Variants in CSMD1 observed in about 807,000 individuals in gnomAD.
The protein encoded by CSMD1 is CUB and Sushi multiple domains 1, also known as CUB and sushi domain-containing protein 1.
Under a neutral mutation model 417.5 loss-of-function variants are expected in CSMD1, and 213 were observed. The ratio of observed to expected loss-of-function variants is 0.51; its 90% CI spans 0.46 to 0.57. CSMD1 has a LOEUF of 0.57. Ranked by LOEUF, CSMD1 falls within the 20% of genes least tolerant of loss-of-function variation. CSMD1 has a pLI of 0.00. For synonymous variants in CSMD1, 2,862 were observed against 1,736.8 expected, an observed-to-expected ratio of 1.65 and a Z score of -16.11; for missense variants, 6,923 against 4,529.7, an observed-to-expected ratio of 1.53 and a Z score of -15.17.
At chr8:3,157,819 C>T in intron 39 of CSMD1, 78 bp downstream of exon 39, 1 of 1,193,034 alleles carries the variant, frequency 8.4e-7, no homozygotes. Context: ...GAAGTGCATT[C>T]TTTGACCCCA....
At chr8:3,402,718 CT>C (rs1812111804) in intron 15 of CSMD1, among the ~76,000 whole-genome samples, 1 of 151,816 alleles carries the variant, frequency 6.6e-6, no homozygotes, top group Non-Finnish European at 1.5e-5. Context: ...TTTCCTAGTT[CT>C]TTTTATCAGA....
At chr8:4,002,079 T>C (rs1269874420) in intron 4 of CSMD1, among the ~76,000 whole-genome samples, 3 of 152,112 alleles carry the variant, frequency 2.0e-5, no homozygotes, top group Admixed American at 1.3e-4. Context: ...GATAGTCTGA[T>C]TGATTAATTG....
intron 5 of CSMD1, among the ~76,000 whole-genome samples, chr8:3,944,657 T>C (rs1811104450): frequency 6.6e-6 from 1 of 152,184 alleles, no homozygotes; most frequent in African/African-American, 2.4e-5. Flanking sequence ...GGATTCATTT[T>C]TGGGGAATGG....
intron 5 of CSMD1, among the ~76,000 whole-genome samples, chr8:3,918,631 C>T (rs994442137): frequency 6.6e-5 from 10 of 151,960 alleles, no homozygotes; most frequent in African/African-American, 1.9e-4. Flanking sequence ...AGCATAAATT[C>T]CCATCAAAAA....
At chr8:4,888,466 G>C (rs985035169) in intron 1 of CSMD1, among the ~76,000 whole-genome samples, 7 of 151,592 alleles carry the variant, frequency 4.6e-5, no homozygotes, top group Non-Finnish European at 1.0e-4. Flanking sequence ...TGCACGTATA[G>C]GTGTGTGAGC....
At chr8:4,252,059 A>G (rs962506277) in intron 3 of CSMD1, among the ~76,000 whole-genome samples, 2 of 152,188 alleles carry the variant, frequency 1.3e-5, no homozygotes, top group African/African-American at 4.8e-5. Flanking sequence ...ACAGAAGATC[A>G]TTCCCAGAAA....
At chr8:4,472,461 G>C (rs1248433352) in intron 2 of CSMD1, among the ~76,000 whole-genome samples, 1 of 151,956 alleles carries the variant, frequency 6.6e-6, no homozygotes, top group Non-Finnish European at 1.5e-5. Context: ...GGTAATAACA[G>C]ATGAATAAAA....
At chr8:3,676,811 C>T (rs912011247) in intron 7 of CSMD1, among the ~76,000 whole-genome samples, 14 of 152,138 alleles carry the variant, frequency 9.2e-5, no homozygotes, top group African/African-American at 1.7e-4. Flanking sequence ...AAATGTGGCA[C>T]ATACACACCA....
At chr8:4,464,756 C>A (rs376886355) in intron 2 of CSMD1, among the ~76,000 whole-genome samples, 2 of 152,178 alleles carry the variant, frequency 1.3e-5, no homozygotes, top group Admixed American at 6.5e-5. Flanking sequence ...TGCTTTAAGG[C>A]GAGTCCTGCT....
At chr8:3,019,295 T>C (rs1809148628) in intron 51 of CSMD1, among the ~76,000 whole-genome samples, 1 of 152,176 alleles carries the variant, frequency 6.6e-6, no homozygotes, top group Non-Finnish European at 1.5e-5. Flanking sequence ...ATACAAAGTA[T>C]AAATGCAGAA....
intron 3 of CSMD1, among the ~76,000 whole-genome samples, chr8:4,389,295 C>G (rs924990134): frequency 3.9e-5 from 6 of 152,012 alleles, no homozygotes; most frequent in African/African-American, 1.5e-4. Flanking sequence ...TTAGAAAATG[C>G]GATCATATAA....
At chr8:4,370,138 G>C (rs763774362) in intron 3 of CSMD1, among the ~76,000 whole-genome samples, 4 of 151,814 alleles carry the variant, frequency 2.6e-5, no homozygotes, top group Admixed American at 1.3e-4. Context: ...GGCAGGTCGA[G>C]TTTCAACAAA....
At chr8:4,764,768 G>C (rs1327391529) in intron 1 of CSMD1, among the ~76,000 whole-genome samples, 2 of 150,438 alleles carry the variant, frequency 1.3e-5, no homozygotes, top group East Asian at 2.0e-4. Flanking sequence ...AGCTACTCTG[G>C]AGGCTGCGGC....
At chr8:3,375,988 G>A (rs937599535) in intron 18 of CSMD1, among the ~76,000 whole-genome samples, 3 of 152,036 alleles carry the variant, frequency 2.0e-5, no homozygotes, top group Non-Finnish European at 4.4e-5. Flanking sequence ...TCCCAAATTG[G>A]AACTTTTTTT....
intron 1 of CSMD1, among the ~76,000 whole-genome samples, chr8:4,840,994 T>C (rs987151178): frequency 6.6e-6 from 1 of 152,210 alleles, no homozygotes; most frequent in Non-Finnish European, 1.5e-5. Context: ...GCATGTCCTC[T>C]TAACTGAGCG....
At chr8:3,886,398 G>A (rs1806565708) in intron 5 of CSMD1, among the ~76,000 whole-genome samples, 1 of 152,188 alleles carries the variant, frequency 6.6e-6, no homozygotes, top group Admixed American at 6.5e-5. Flanking sequence ...TTGTGTGCTA[G>A]TTGTGGTAGC....
intron 1 of CSMD1, among the ~76,000 whole-genome samples, chr8:4,669,479 C>T (rs2725058): frequency 6.6e-6 from 1 of 151,978 alleles, no homozygotes; most frequent in Non-Finnish European, 1.5e-5. Flanking sequence ...ATGTGGACAA[C>T]CGTATCTAGT....
chr8:3,950,729 T>C (rs148870410), intron 5 of CSMD1, among the ~76,000 whole-genome samples: 348 of 136,270 alleles, frequency 2.6e-3, no homozygotes, highest in African/African-American at 9.3e-3. Context: ...CAAAATGTAA[T>C]TGGGGTTTTC....
chr8:4,057,771 C>T (rs1289923948), intron 3 of CSMD1, among the ~76,000 whole-genome samples: 1 of 152,082 alleles, frequency 6.6e-6, no homozygotes, highest in Non-Finnish European at 1.5e-5. Context: ...GTTTTCCCAG[C>T]ACCATTTAAT....
Sources: allele counts gnomAD v4.1 joint callset (sites outside exome capture counted in the v4.1 genomes callset), GRCh38; gene constraint gnomAD v4.1.1; transcripts MANE v1.5; gene names NCBI Gene and HGNC (gene_info 2026-07-23, HGNC 2026-07-21).